XKR9: variants seen among roughly 807,000 people sequenced by gnomAD.
The protein encoded by XKR9 is XK related 9, also known as XK-related protein 9.
A neutral mutation model predicts 32.0 loss-of-function variants in XKR9; 32 were observed. The observed-to-expected ratio is 1.00, with a 90% CI of 0.76 to 1.34. The LOEUF (loss-of-function observed/expected upper bound fraction) is 1.34. Among genes scored for constraint, XKR9 ranks in the 40% most tolerant of loss-of-function variants. The probability of loss-of-function intolerance (pLI) is 0.00; values close to 1 mark genes in which losing one functional copy is unlikely to be tolerated. For missense variants in XKR9, 546 were observed against 429.7 expected, an observed-to-expected ratio of 1.27 and a Z score of -2.39; for synonymous variants, 168 against 143.4, an observed-to-expected ratio of 1.17 and a Z score of -1.22.
chr8:70,738,435 A>G (rs983734202), downstream of XKR9, among the ~76,000 whole-genome samples: 7 of 148,534 alleles, frequency 4.7e-5, no homozygotes, highest in Middle Eastern at 3.4e-3. Context: ...TGGATTCATT[A>G]ATTTTTTGAA....
chr8:70,701,052 C>T (rs932583058), intron 3 of XKR9, among the ~76,000 whole-genome samples: 6 of 152,162 alleles, frequency 3.9e-5, no homozygotes, highest in African/African-American at 1.2e-4. Flanking sequence ...GCGCAGTATT[C>T]GGGTGGGAGT....
At chr8:70,837,341 A>G in the XKR9 span, among the ~76,000 whole-genome samples, 1 of 152,090 alleles carries the variant, frequency 6.6e-6, no homozygotes, top group Admixed American at 6.6e-5. Flanking sequence ...TTTTGGGTTT[A>G]AGACATAGTT....
the XKR9 span, among the ~76,000 whole-genome samples, chr8:70,958,875 T>G: frequency 6.6e-6 from 1 of 152,282 alleles, no homozygotes; most frequent in South Asian, 2.1e-4. Context: ...ATAAAAGTAC[T>G]CATTTCATAG....
chr8:70,710,532 C>G (rs1276766671), intron 4 of XKR9, among the ~76,000 whole-genome samples: 1 of 152,046 alleles, frequency 6.6e-6, no homozygotes, highest in Non-Finnish European at 1.5e-5. Context: ...GAAACCCCAT[C>G]TCTAGTAAAC....
the XKR9 span, among the ~76,000 whole-genome samples, chr8:70,834,075 C>A: frequency 1.2e-5 from 1 of 82,078 alleles, no homozygotes; most frequent in Non-Finnish European, 2.6e-5. Flanking sequence ...GTAGATCTCC[C>A]AAACTCTCTT....
At chr8:70,890,734 C>T in the XKR9 span, among the ~76,000 whole-genome samples, 7 of 151,802 alleles carry the variant, frequency 4.6e-5, no homozygotes, top group Non-Finnish European at 8.9e-5. Flanking sequence ...TTGCATCTAT[C>T]ATCAGGGATA....
At chr8:70,755,811 A>C (rs957605306) in intron 2 of XKR9, among the ~76,000 whole-genome samples, 1 of 151,548 alleles carries the variant, frequency 6.6e-6, no homozygotes, top group Non-Finnish European at 1.5e-5. Flanking sequence ...CCTAATGCTA[A>C]ATGACGAGTT....
At chr8:70,819,884 T>C in the XKR9 span, among the ~76,000 whole-genome samples, 1 of 152,206 alleles carries the variant, frequency 6.6e-6, no homozygotes, top group Non-Finnish European at 1.5e-5. Flanking sequence ...CCCTAGAGTC[T>C]TTTAAGTGAA....
chr8:70,867,379 C>G, the XKR9 span, among the ~76,000 whole-genome samples: 2 of 152,130 alleles, frequency 1.3e-5, no homozygotes, highest in African/African-American at 4.8e-5. Context: ...CTGCCCTGGC[C>G]CCTCCCAAAT....
intron 2 of XKR9, among the ~76,000 whole-genome samples, chr8:70,773,579 T>C (rs1807481664): frequency 6.6e-6 from 1 of 152,230 alleles, no homozygotes; most frequent in Admixed American, 6.5e-5. Context: ...TAATCTTTTA[T>C]GATGTGTATG....
At chr8:70,921,564 G>A in the XKR9 span, among the ~76,000 whole-genome samples, 5 of 152,072 alleles carry the variant, frequency 3.3e-5, no homozygotes, top group Middle Eastern at 3.2e-3. Context: ...AGAAGATTTA[G>A]TTTTATTATT....
intron 1 of XKR9, among the ~76,000 whole-genome samples, chr8:70,669,797 G>C (rs2132087999): frequency 6.6e-6 from 1 of 151,748 alleles, no homozygotes; most frequent in South Asian, 2.1e-4. Flanking sequence ...CTCCCGAGTA[G>C]CTGGGACTAT....
chr8:70,825,822 C>T, the XKR9 span, among the ~76,000 whole-genome samples: 4 of 152,032 alleles, frequency 2.6e-5, no homozygotes, highest in South Asian at 2.1e-4. Flanking sequence ...TCTATGGACA[C>T]GGACTATTAA....
the XKR9 span, among the ~76,000 whole-genome samples, chr8:70,796,417 A>G: frequency 6.6e-6 from 1 of 152,054 alleles, no homozygotes; most frequent in Non-Finnish European, 1.5e-5. Context: ...TATGTTCAGC[A>G]GTAACATTTC....
At chr8:70,718,720 A>T (rs548254903) in intron 4 of XKR9, among the ~76,000 whole-genome samples, 1 of 152,314 alleles carries the variant, frequency 6.6e-6, no homozygotes, top group South Asian at 2.1e-4. Flanking sequence ...CCAGTCTATC[A>T]TTGATGAGCA....
the XKR9 span, among the ~76,000 whole-genome samples, chr8:70,900,051 A>T: frequency 6.6e-6 from 1 of 152,200 alleles, no homozygotes; most frequent in East Asian, 1.9e-4. Flanking sequence ...GCTTGACTGG[A>T]TGCCTAAAAA....
chr8:70,889,405 G>A, the XKR9 span, among the ~76,000 whole-genome samples: 48,050 of 150,680 alleles, frequency 0.32, 8,948 homozygotes, highest in Non-Finnish European at 0.43. Context: ...AACTTTTATC[G>A]TTTCACCTTT....
At position 70,734,492 on chromosome 8, in the gene XKR9, T is replaced by C. The variant is rs574008710; in HGVS notation, c.*68T>C. ...TGGTTAGTAAAGAAAATGTGTGTTA[T>C]GTGGGTGTGTTGTCTCTTATTTTTG... is the stretch of plus-strand genomic sequence containing the variant. On this transcript the variant is annotated 3_prime_UTR_variant, in exon 5 of 5. Transcript: ENST00000408926. 233 of 1,420,070 alleles carry C rather than the reference T, an allele frequency of 1.6e-4. No individual in the cohort carries two copies. The African/African-American group carries it at 2.9e-3, about 18-fold the overall frequency. The allele number at this position is 1,420,070 out of a possible 1,614,324, so 88.0% of individuals were successfully genotyped here. A position where few individuals can be genotyped will look rare whatever the true frequency, so the allele number is the denominator to read the frequency against.
Position 70,733,953 on chromosome 8 carries a change from G to A in XKR9, c.651G>A (p.Met217Ile), listed in dbSNP as rs144673829. ...FYKLFTLLSW[M>I]LSVVLLLFLN... is the part of the protein sequence containing the mutation. ...AGTTGTTTACATTATTATCGTGGAT[G>A]CTGAGTGTTGTACTTCTACTATTCT... Residue 217 changes from methionine (M) to isoleucine (I), a missense_variant, in exon 5 of 5, where the codon ATG becomes ATA. By Grantham distance (10) the Met-to-Ile change is conservative. Coordinates refer to ENST00000408926, the MANE Select transcript of XKR9 (RefSeq NM_001011720.2). The A allele has an allele frequency of 8.1e-5, 130 of 1,612,734 alleles. No homozygotes were observed. The highest frequency in any genetic ancestry group is 1.1e-4 in the Non-Finnish European group (124 of 1,179,638).
Sources: allele counts gnomAD v4.1 joint callset (sites outside exome capture counted in the v4.1 genomes callset), GRCh38; gene constraint gnomAD v4.1.1; transcripts MANE v1.5; gene names NCBI Gene and HGNC (gene_info 2026-07-23, HGNC 2026-07-21).